A2ML1: variants seen among roughly 807,000 people sequenced by gnomAD.
A2ML1 encodes the protein alpha-2-macroglobulin like 1, also known as alpha-2-macroglobulin-like protein 1.
Under a neutral mutation model 181.9 loss-of-function variants are expected in A2ML1, and 161 were observed. The observed-to-expected ratio is 0.89, with a 90% CI of 0.78 to 1.01. The LOEUF is 1.01. Among genes scored for constraint, A2ML1 ranks in the 50% least tolerant of loss-of-function variants. The probability of loss-of-function intolerance (pLI) is 0.00; values close to 1 mark genes in which losing one functional copy is unlikely to be tolerated. For synonymous variants in A2ML1, 663 were observed against 666.8 expected, an observed-to-expected ratio of 0.99 and a Z score of 0.09; for missense variants, 1,670 against 1,768.1, an observed-to-expected ratio of 0.94 and a Z score of 1.00.
Position 8,874,980 on chromosome 12 carries a change from C to A in A2ML1, c.4334C>A (p.Ala1445Glu), listed in dbSNP as rs200447138. The change falls in exon 35 of 36, where the codon GCA (alanine) becomes GAA (glutamate). Residue 1445 changes from alanine to glutamate, a missense_variant. Physicochemically the swap from Ala to Glu is moderately radical, Grantham distance 107 (BLOSUM62 -1). Transcript: ENST00000299698. Reference protein sequence around the residue: ...VYDYYLPDEQATIQYSDPCE With the variant: ...VYDYYLPDEQETIQYSDPCE ...TTATTTCATTTCACAGATGAACAGG[C>A]AACAATTCAGTATTCTGATCCCTGT... The A allele has an allele frequency of 6.2e-6, 10 of 1,613,932 alleles. No individual in the cohort carries two copies. The highest frequency in any genetic ancestry group is 8.5e-6 in the Non-Finnish European group (10 of 1,179,976).
chr12:8,866,222 G>A (rs966734249), intron 29 of A2ML1, among the ~76,000 whole-genome samples: 15 of 142,534 alleles, frequency 1.1e-4, no homozygotes, highest in African/African-American at 1.8e-4. Flanking sequence ...GGAGAATGGC[G>A]TGAACCCAGG....
In A2ML1 at chr12:8,823,885, A is replaced by G. The variant is rs371235744; in HGVS notation, c.409+3A>G. On this transcript the variant is annotated splice_donor_region_variant and intron_variant, in intron 3 of 35. Coordinates refer to ENST00000299698, the MANE Select transcript of A2ML1 (RefSeq NM_144670.6). ...TCTCTACACCCCAGGGCAGCAAGGT[A>G]AGAGTCACATATTTGGGGTTCGACT... 10 of 1,609,146 alleles carry G rather than the reference A, an allele frequency of 6.2e-6. No individual in the cohort carries two copies. Among genetic ancestry groups the G allele is most frequent in the Non-Finnish European group, 6.8e-6 (8 of 1,177,210 alleles).
chr12:8,844,938 T>G (rs778774964), intron 12 of A2ML1: 22 of 1,271,640 alleles, frequency 1.7e-5, no homozygotes, highest in Admixed American at 3.7e-5. Flanking sequence ...ATCACCGAGT[T>G]CTGTTTCAAG....
chr12:8,841,665 C>A, intron 11 of A2ML1, 129 bp downstream of exon 11: 1 of 953,660 alleles, frequency 1.0e-6, no homozygotes, highest in Non-Finnish European at 1.5e-6. Flanking sequence ...GTCCTGCTCT[C>A]CCGTTGACAA....
downstream of A2ML1, among the ~76,000 whole-genome samples, chr12:8,879,404 T>C (rs975978676): frequency 6.6e-6 from 1 of 151,822 alleles, no homozygotes; most frequent in Non-Finnish European, 1.5e-5. Flanking sequence ...GGCAGGAGAA[T>C]TGCTTGAACC....
downstream of A2ML1, among the ~76,000 whole-genome samples, chr12:8,878,634 C>T (rs980929487): frequency 2.6e-5 from 4 of 152,150 alleles, no homozygotes; most frequent in African/African-American, 9.7e-5. This position sits in a 1 kb window ranked among gnomAD's most constrained non-coding sequence, Gnocchi z 4.4. Flanking sequence ...CATATTTACC[C>T]CCTGAATCTA....
intron 26 of A2ML1, among the ~76,000 whole-genome samples, chr12:8,858,449 G>A (rs1944147506): frequency 6.6e-6 from 1 of 152,082 alleles, no homozygotes; most frequent in Non-Finnish European, 1.5e-5. Context: ...AATCAGGCTT[G>A]TTAGTGCATG....
At chr12:8,865,929 A>G (rs1459373659) in intron 29 of A2ML1, among the ~76,000 whole-genome samples, 1 of 152,196 alleles carries the variant, frequency 6.6e-6, no homozygotes, top group African/African-American at 2.4e-5. Context: ...TGATTTGTTG[A>G]AATTAGCCAA....
chr12:8,854,298 G>A, intron 21 of A2ML1, 49 bp downstream of exon 21: 2 of 1,537,060 alleles, frequency 1.3e-6, no homozygotes, highest in Non-Finnish European at 1.8e-6. Flanking sequence ...GGGATGCTCA[G>A]CATCTCGTCT....
intron 10 of A2ML1, among the ~76,000 whole-genome samples, chr12:8,840,219 G>A (rs1243218265): frequency 1.3e-5 from 2 of 151,982 alleles, no homozygotes; most frequent in Non-Finnish European, 2.9e-5. Flanking sequence ...AATTAGCCAG[G>A]CATGGTGGCG....
rs773751841 is a variant in A2ML1, at chr12:8,837,482, T to C, written c.771T>C (p.Ser257=). Residue 257 remains serine, a synonymous_variant, in exon 8 of 36, where the codon TCT becomes TCC. Coordinates refer to ENST00000299698, the MANE Select transcript of A2ML1 (RefSeq NM_144670.6). Reference sequence around the variant, plus strand: ...CCATGCTAGGGGCAGTGCAGGTATCTGTGTGTCAGAAGGCAAATACTTACT... The same window carrying C: ...CCATGCTAGGGGCAGTGCAGGTATCCGTGTGTCAGAAGGCAAATACTTACT... ...GKPMLGAVQV[S]VCQKANTYWY... is the part of the protein sequence containing the mutation. 10 of 1,614,068 alleles carry C rather than the reference T, an allele frequency of 6.2e-6. No individual in the cohort carries two copies. The highest frequency in any genetic ancestry group is 7.6e-6 in the Non-Finnish European group (9 of 1,179,956).
chr12:8,877,983 C>T (rs1477848064), downstream of A2ML1, among the ~76,000 whole-genome samples: 1 of 152,140 alleles, frequency 6.6e-6, no homozygotes, highest in East Asian at 1.9e-4. Flanking sequence ...TCCATGTATA[C>T]CATGGAATGC....
chr12:8,870,708 T>G (rs1248920773), intron 33 of A2ML1, among the ~76,000 whole-genome samples: 2 of 152,134 alleles, frequency 1.3e-5, no homozygotes, highest in African/African-American at 4.8e-5. Context: ...CCACCCTCCT[T>G]AGACATAAGG....
In A2ML1 at chr12:8,868,720, T is replaced by TAC. The variant is rs35111062; in HGVS notation, c.4152+107_4152+108dup. The TAC allele has an allele frequency of 0.62, 372,871 of 605,850 alleles. 103,708 individuals are homozygous for TAC. Among genetic ancestry groups the TAC allele is most frequent in the Middle Eastern group, 0.7 (1,449 of 2,062 alleles). 37.5% of individuals were successfully genotyped at this position (605,850 alleles called of 1,614,324 possible). On this transcript the variant is annotated intron_variant, in intron 32 of 35. Coordinates refer to ENST00000299698, the MANE Select transcript of A2ML1 (RefSeq NM_144670.6). ...GGTAAAATGGGCATCATGGCGTGTA[T>TAC]ACACACACACACACAAGGCATGTAT...
chr12:8,852,233 G>T lies in A2ML1; in HGVS notation c.2487G>T (p.Ser829=), dbSNP rs747051668. 1.2e-6 allele frequency: 2 copies of T among 1,614,018 alleles called. No individual in the cohort carries two copies. The highest frequency in any genetic ancestry group is 1.7e-6 in the Non-Finnish European group (2 of 1,180,030). The change falls in exon 20 of 36, where the codon TCG becomes TCT. Residue 829 remains serine, a synonymous_variant. Coordinates refer to ENST00000299698, the MANE Select transcript of A2ML1 (RefSeq NM_144670.6). This position sits in a 1 kb window ranked among gnomAD's most constrained non-coding sequence, Gnocchi z 4.2. ...AGGTTCAGACTGACCTGGCTAAATC[G>T]CATGAGTACCAGCTAGAATCATGGG... The part of the protein sequence containing the change: ...CIRVQTDLAK[S]HEYQLESWAD...
At chr12:8,874,148 T>TG (rs1944720768) in intron 33 of A2ML1, among the ~76,000 whole-genome samples, 1 of 152,036 alleles carries the variant, frequency 6.6e-6, no homozygotes. Context: ...CCTGAGTAGC[T>TG]GGGATTACAG....
chr12:8,854,225 G>A lies in A2ML1; in HGVS notation c.2688G>A (p.Thr896=), dbSNP rs748480315. The A allele has an allele frequency of 1.4e-5, 23 of 1,607,450 alleles. No individual in the cohort carries two copies. Among genetic ancestry groups the A allele is most frequent in the South Asian group, 2.2e-5 (2 of 89,092 alleles). ...GFVPQKGRSD[T]LIKPVLVKPE... ...TTCCCCAAAAGGGCCGAAGTGACACGCTCATCAAGCCAGTTCTCGTCAAAG... is the reference window on the plus strand; with the variant it reads ...TTCCCCAAAAGGGCCGAAGTGACACACTCATCAAGCCAGTTCTCGTCAAAG... Residue 896 remains threonine, a synonymous_variant, in exon 21 of 36, where the codon ACG becomes ACA. Coordinates refer to ENST00000299698, the MANE Select transcript of A2ML1 (RefSeq NM_144670.6).
chr12:8,885,893 T>A (rs1373909014), intron 7 of A2ML1, among the ~76,000 whole-genome samples: 1 of 152,146 alleles, frequency 6.6e-6, no homozygotes, highest in Admixed American at 6.6e-5. Flanking sequence ...ACCATCCTTT[T>A]CCCACTACAT....
In A2ML1 at chr12:8,836,325, A is replaced by T. The variant is rs748034976; in HGVS notation, c.714A>T (p.Val238=). 4.3e-6 allele frequency: 7 copies of T among 1,613,896 alleles called. No homozygotes were observed. The East Asian group carries it at 1.6e-4, about 36-fold the overall frequency. Residue 238 remains valine (V), a synonymous_variant, in exon 7 of 36, where the codon GTA becomes GTT. Transcript: ENST00000299698. ...CAACGGTGCAGGAATCTTTCTTAGTAAAAATTTGTTGTAGGTAAGAGCAGA... is the reference window on the plus strand; with the variant it reads ...CAACGGTGCAGGAATCTTTCTTAGTTAAAATTTGTTGTAGGTAAGAGCAGA... ...ELSTVQESFL[V]KICCRYTYGK...
Sources: gnomAD v4.1 joint callset for allele counts (sites outside exome capture counted in the v4.1 genomes callset) on GRCh38, gnomAD v4.1.1 for gene constraint, Gnocchi (gnomAD v3.1) non-coding constraint, MANE v1.5 for transcripts, NCBI Gene and HGNC (gene_info 2026-07-23, HGNC 2026-07-21) for gene names.